Variants in OR11A1 observed in about 807,000 individuals in gnomAD.
OR11A1 encodes olfactory receptor 11A1.
For missense variants in OR11A1, 380 were observed against 378.2 expected (o/e 1.00, Z -0.04); for synonymous variants, 158 against 152.2 (o/e 1.04, Z -0.28).
intron 1 of OR11A1, among the ~76,000 whole-genome samples, chr6:29,444,981 G>C (rs1011710984): frequency 3.9e-5 from 6 of 152,058 alleles, no homozygotes; most frequent in Admixed American, 1.3e-4. Flanking sequence ...GCTCCTGATG[G>C]TATCTGCTAC....
chr6:29,428,211 T>TACC, intron 4 of OR11A1: 1 of 985,200 alleles, frequency 1.0e-6, no homozygotes, highest in Non-Finnish European at 1.2e-6. Context: ...AGTGATACCT[T>TACC]ACCAACTGTT....
intron 1 of OR11A1, among the ~76,000 whole-genome samples, chr6:29,435,956 A>G (rs746895681): frequency 5.3e-5 from 8 of 152,256 alleles, no homozygotes; most frequent in Non-Finnish European, 1.2e-4. Context: ...CTAAAAATAT[A>G]TTAACACAAT....
At chr6:29,440,186 T>C (rs1783997819) in intron 1 of OR11A1, 2 of 1,613,802 alleles carry the variant, frequency 1.2e-6, no homozygotes, top group East Asian at 4.5e-5. Flanking sequence ...TCCAGTCCCC[T>C]ATGTACTTCT....
At chr6:29,433,193 A>G (rs1489483087) in intron 1 of OR11A1, among the ~76,000 whole-genome samples, 3 of 152,166 alleles carry the variant, frequency 2.0e-5, no homozygotes, top group Non-Finnish European at 4.4e-5. Context: ...TTTTGTGATG[A>G]GAACACTCAG....
At chr6:29,442,905 A>G (rs1212140232) in intron 1 of OR11A1, among the ~76,000 whole-genome samples, 1 of 152,242 alleles carries the variant, frequency 6.6e-6, no homozygotes, top group Non-Finnish European at 1.5e-5. Context: ...AAAATGCTGA[A>G]ATATTTCCAC....
Position 29,427,355 on chromosome 6 carries a change from G to C in OR11A1, c.287C>G (p.Ala96Gly). The change falls in exon 5 of 5, where the codon GCT becomes GGT. Residue 96 changes from alanine (A) to glycine (G), a missense_variant. Coordinates refer to ENST00000377149, the MANE Select transcript of OR11A1 (RefSeq NM_001394828.1). Reference sequence around the variant, plus strand: ...GATAAAGAACTGGAGCAAGCAACCAGCCACAGAGATAGTTGCTTCTTGCAG... The same window carrying C: ...GATAAAGAACTGGAGCAAGCAACCACCCACAGAGATAGTTGCTTCTTGCAG... ...GFLQEATISV[A>G]GCLLQFFIFG... The C allele has an allele frequency of 1.2e-6, 2 of 1,613,122 alleles. No individual in the cohort carries two copies. Among genetic ancestry groups the C allele is most frequent in the Non-Finnish European group, 1.7e-6 (2 of 1,180,034 alleles).
At chr6:29,440,225 T>C (rs1435712040) in intron 1 of OR11A1, 2 of 1,613,826 alleles carry the variant, frequency 1.2e-6, no homozygotes, top group Non-Finnish European at 1.7e-6. Flanking sequence ...CCTTGGAGAT[T>C]GGCTATACGT....
intron 1 of OR11A1, among the ~76,000 whole-genome samples, chr6:29,442,003 A>G (rs1784239044): frequency 1.3e-5 from 2 of 152,292 alleles, no homozygotes; most frequent in South Asian, 2.1e-4. Context: ...AGTCTAATTC[A>G]TTGGGTTTTT....
At chr6:29,435,719 C>A (rs1783577324) in intron 1 of OR11A1, among the ~76,000 whole-genome samples, 1 of 152,142 alleles carries the variant, frequency 6.6e-6, no homozygotes, top group South Asian at 2.1e-4. Flanking sequence ...AATTATAGCT[C>A]TTTGTGGTTT....
chr6:29,451,481 A>G lies in OR11A1; in HGVS notation c.-389+5506T>C, dbSNP rs1785370409. Among the ~76,000 whole-genome samples the G allele has an allele frequency of 2.6e-5, 4 of 152,194 alleles. No individual in the cohort carries two copies. The South Asian group carries it at 8.3e-4, about 32-fold the overall frequency. On this transcript the variant is annotated intron_variant, in intron 1 of 4. Coordinates refer to ENST00000377149, the MANE Select transcript of OR11A1 (RefSeq NM_001394828.1). The stretch of plus-strand genomic sequence containing the variant: ...GACAAAAGTCTAATATCCAGAGCTT[A>G]TAAGGAACTTAAAGAGAAAAAAAAT...
intron 1 of OR11A1, among the ~76,000 whole-genome samples, chr6:29,436,984 T>C (rs957737499): frequency 8.5e-5 from 13 of 152,202 alleles, no homozygotes; most frequent in Non-Finnish European, 1.5e-5. Flanking sequence ...GCCAGCACAA[T>C]GAGATACCAT....
chr6:29,450,745 T>C (rs991057602), intron 1 of OR11A1, among the ~76,000 whole-genome samples: 1 of 152,198 alleles, frequency 6.6e-6, no homozygotes, highest in African/African-American at 2.4e-5. Context: ...CATTCCATGT[T>C]CATGAATAGG....
intron 1 of OR11A1, 59 bp from the exon 2 acceptor site, chr6:29,432,046 C>T: frequency 1.0e-6 from 1 of 976,278 alleles, no homozygotes; most frequent in Non-Finnish European, 1.2e-6. Flanking sequence ...CACTCCTGAG[C>T]CATTTTCTCT....
At chr6:29,448,575 G>GT (rs1785017949) in intron 1 of OR11A1, among the ~76,000 whole-genome samples, 1 of 152,222 alleles carries the variant, frequency 6.6e-6, no homozygotes, top group Admixed American at 6.5e-5. Context: ...GATACATTCT[G>GT]TTTAAGTAGG....
intron 1 of OR11A1, among the ~76,000 whole-genome samples, chr6:29,442,220 G>T (rs1427307451): frequency 3.9e-5 from 6 of 152,184 alleles, no homozygotes; most frequent in African/African-American, 1.4e-4. Flanking sequence ...GGTGGAAGAA[G>T]AGGCTCTATA....
Position 29,428,950 on chromosome 6 carries a change from G to T in OR11A1, c.-129C>A. The T allele has an allele frequency of 1.0e-6, 1 of 972,806 alleles. No homozygotes were observed. Among genetic ancestry groups the T allele is most frequent in the Non-Finnish European group, 1.2e-6 (1 of 818,892 alleles). The allele number at this position is 972,806 out of a possible 1,614,324, so 60.3% of individuals were successfully genotyped here. On this transcript the variant is annotated 5_prime_UTR_variant, in exon 4 of 5. Coordinates refer to ENST00000377149, the MANE Select transcript of OR11A1 (RefSeq NM_001394828.1). The stretch of plus-strand genomic sequence containing the variant: ...TTTCATATGCTATTCAAAGCAATAT[G>T]TGTTTATTAACTGAAGACAATGAGA...
intron 4 of OR11A1, chr6:29,428,600 A>T (rs2151361562): frequency 6.2e-6 from 1 of 160,796 alleles, no homozygotes; most frequent in South Asian, 2.0e-4. Context: ...CTAAAAATAC[A>T]AAAAAAATTA....
rs142207972 is a variant in OR11A1 at position 29,450,273 on chromosome 6, A to G, written c.-389+6714T>C. ...CCTCCCTCTTAGGCCCAACCATAGT[A>G]TCAAAACTCTCAACAGCTATCCCAG... On this transcript the variant is annotated intron_variant, in intron 1 of 4. Transcript: ENST00000377149. 6.6e-3 allele frequency: 1,010 copies of G among 152,424 alleles called. 9 individuals carry two copies. The highest frequency in any genetic ancestry group is 0.01 in the Middle Eastern group (3 of 296). 9.4% of individuals were successfully genotyped at this position (152,424 alleles called of 1,614,324 possible). A position where few individuals can be genotyped will look rare whatever the true frequency, so the allele number is the denominator to read the frequency against.
At chr6:29,443,870 C>A (rs943278546) in intron 1 of OR11A1, among the ~76,000 whole-genome samples, 1 of 151,586 alleles carries the variant, frequency 6.6e-6, no homozygotes, top group African/African-American at 2.4e-5. Flanking sequence ...TCTATTCTAC[C>A]TTTTTCTTTG....
Sources: gnomAD v4.1 joint callset for allele counts (sites outside exome capture counted in the v4.1 genomes callset) on GRCh38, gnomAD v4.1.1 for gene constraint, MANE v1.5 for transcripts, NCBI Gene and HGNC (gene_info 2026-07-23, HGNC 2026-07-21) for gene names.